Variants in DNAJC6 observed in about 807,000 individuals in gnomAD.
The protein encoded by DNAJC6 is DnaJ heat shock protein family (Hsp40) member C6, also known as auxilin.
In DNAJC6, 34 loss-of-function variants were observed where a neutral mutation model predicts 110.0. That is an observed-to-expected ratio of 0.31 (90% confidence interval 0.24 to 0.41). The LOEUF is 0.41. Among genes scored for constraint, DNAJC6 ranks in the 10% least tolerant of loss-of-function variants. DNAJC6 has a pLI of 1.00. For synonymous variants in DNAJC6, 406 were observed against 437.2 expected, an observed-to-expected ratio of 0.93 and a Z score of 0.89; for missense variants, 1,031 against 1,207.8, an observed-to-expected ratio of 0.85 and a Z score of 2.17.
chr1:65,385,102 T>C (rs1645858702), intron 6 of DNAJC6, among the ~76,000 whole-genome samples: 2 of 152,176 alleles, frequency 1.3e-5, no homozygotes, highest in Non-Finnish European at 2.9e-5. Flanking sequence ...CAGTAGCTGG[T>C]TATACTTATC....
intron 5 of DNAJC6, among the ~76,000 whole-genome samples, chr1:65,380,636 C>T (rs991702873): frequency 1.8e-4 from 28 of 152,002 alleles, no homozygotes; most frequent in Non-Finnish European, 2.9e-5. Context: ...TCTCTTTACT[C>T]AAGAATTTGC....
At chr1:65,310,130 A>AG (rs143419089) in intron 1 of DNAJC6, among the ~76,000 whole-genome samples, 192 bp downstream of exon 1, 4,728 of 151,154 alleles carry the variant, frequency 0.031, 259 homozygotes, top group African/African-American at 0.11. Context: ...ACGAAACGTT[A>AG]GATCAGTCCT....
chr1:65,386,533 G>A (rs1645874271), intron 7 of DNAJC6, among the ~76,000 whole-genome samples: 2 of 152,198 alleles, frequency 1.3e-5, no homozygotes, highest in South Asian at 4.1e-4. Flanking sequence ...ATGGGGGCTA[G>A]ATGCATTTGA....
chr1:65,385,592 A>G (rs1267090450), intron 6 of DNAJC6, 120 bp from the exon 7 acceptor site: 4 of 856,026 alleles, frequency 4.7e-6, no homozygotes, highest in Non-Finnish European at 6.7e-6. Flanking sequence ...TATTTAAGAA[A>G]TTGATAGAAT....
intron 13 of DNAJC6, among the ~76,000 whole-genome samples, chr1:65,396,553 A>G (rs970303201): frequency 6.6e-6 from 1 of 150,518 alleles, no homozygotes; most frequent in Non-Finnish European, 1.5e-5. Context: ...TAAGTCCTTC[A>G]CCTCCTTCAA....
At chr1:65,291,747 C>T (rs1163262906) in intron 1 of DNAJC6, among the ~76,000 whole-genome samples, 1 of 152,088 alleles carries the variant, frequency 6.6e-6, no homozygotes, top group Non-Finnish European at 1.5e-5. Flanking sequence ...ATTCATAAAG[C>T]AATTCTACGA....
chr1:65,296,803 G>T (rs1208058297), intron 1 of DNAJC6, among the ~76,000 whole-genome samples: 2 of 152,018 alleles, frequency 1.3e-5, no homozygotes, highest in African/African-American at 4.8e-5. Context: ...GGCCAGGCTG[G>T]TCTTGAACTC....
chr1:65,336,725 G>C (rs1315341041), intron 1 of DNAJC6, among the ~76,000 whole-genome samples: 1 of 152,168 alleles, frequency 6.6e-6, no homozygotes, highest in African/African-American at 2.4e-5. Context: ...GGGAGACTGA[G>C]GCTTGGAGTG....
intron 1 of DNAJC6, among the ~76,000 whole-genome samples, chr1:65,315,242 A>G (rs934864583): frequency 1.3e-5 from 2 of 152,046 alleles, no homozygotes; most frequent in African/African-American, 4.8e-5. Context: ...TTTTCTCTAT[A>G]TAAAATGATT....
chr1:65,366,656 T>A (rs1327325915), intron 4 of DNAJC6, among the ~76,000 whole-genome samples: 5 of 152,178 alleles, frequency 3.3e-5, no homozygotes, highest in Admixed American at 3.3e-4. Flanking sequence ...TTAAGAAGTT[T>A]TTTGAACTAG....
At chr1:65,304,119 A>G (rs1645015385) in intron 1 of DNAJC6, among the ~76,000 whole-genome samples, 1 of 152,116 alleles carries the variant, frequency 6.6e-6, no homozygotes, top group Admixed American at 6.5e-5. Flanking sequence ...GGCAAATGAT[A>G]AATAATCAAT....
intron 18 of DNAJC6, among the ~76,000 whole-genome samples, chr1:65,412,582 G>GA (rs1302367467): frequency 3.3e-5 from 5 of 152,172 alleles, no homozygotes; most frequent in Non-Finnish European, 7.4e-5. Flanking sequence ...TTAGAAATGG[G>GA]AAAATGGGAG....
intron 1 of DNAJC6, among the ~76,000 whole-genome samples, chr1:65,280,265 G>A (rs529784556): frequency 5.8e-4 from 88 of 152,218 alleles, no homozygotes; most frequent in African/African-American, 2.0e-3. Flanking sequence ...AAATTGAGTG[G>A]ATTCTTTTTC....
At chr1:65,341,209 G>A (rs142953934) in intron 1 of DNAJC6, among the ~76,000 whole-genome samples, 2 of 152,254 alleles carry the variant, frequency 1.3e-5, no homozygotes, top group African/African-American at 4.8e-5. Flanking sequence ...GACACCAAAG[G>A]GCTGCATTGC....
At chr1:65,359,250 C>G (rs1317560655) in intron 1 of DNAJC6, among the ~76,000 whole-genome samples, 1 of 152,198 alleles carries the variant, frequency 6.6e-6, no homozygotes, top group Admixed American at 6.5e-5. Flanking sequence ...CAGAAATTCT[C>G]TCCCAGGAAA....
intron 1 of DNAJC6, among the ~76,000 whole-genome samples, chr1:65,347,459 G>T (rs1645447553): frequency 6.7e-6 from 1 of 150,270 alleles, no homozygotes; most frequent in African/African-American, 2.5e-5. Flanking sequence ...CCAGCCATTT[G>T]GTTTCTTTCT....
At chr1:65,278,093 C>T (rs116151376) in intron 1 of DNAJC6, among the ~76,000 whole-genome samples, 2,262 of 152,308 alleles carry the variant, frequency 0.015, 52 homozygotes, top group African/African-American at 0.053. Context: ...ACAGTCTAAA[C>T]CCTTTACCGT....
In DNAJC6 at chr1:65,389,328, A is replaced by T. The variant is rs61758427; in HGVS notation, c.1266A>T (p.Leu422=). 258 of 1,614,210 alleles carry T rather than the reference A, an allele frequency of 1.6e-4. No homozygotes were observed. In the African/African-American group the frequency reaches 3.0e-3, roughly 19 times the overall value. Residue 422 remains leucine, a synonymous_variant, in exon 10 of 19, where the codon CTA becomes CTT. Coordinates refer to ENST00000371069, the MANE Select transcript of DNAJC6 (RefSeq NM_001256864.2). ...QLFQVTLDVE[L]QPHDKVIDLT... ...TTCAGGTGACACTGGATGTAGAACTACAGCCCCATGACAAAGTAATAGACT... is the reference window on the plus strand; with the variant it reads ...TTCAGGTGACACTGGATGTAGAACTTCAGCCCCATGACAAAGTAATAGACT...
At chr1:65,334,180 A>G (rs974361893) in intron 1 of DNAJC6, among the ~76,000 whole-genome samples, 1 of 152,266 alleles carries the variant, frequency 6.6e-6, no homozygotes, top group Non-Finnish European at 1.5e-5. Flanking sequence ...AACTGCAAGT[A>G]TAACATGTAA....
Sources: gnomAD v4.1 joint callset for allele counts (sites outside exome capture counted in the v4.1 genomes callset) on GRCh38, gnomAD v4.1.1 for gene constraint, MANE v1.5 for transcripts, NCBI Gene and HGNC (gene_info 2026-07-23, HGNC 2026-07-21) for gene names.